The following RBBP8 variants were observed in gnomAD, a reference collection of about 807,000 sequenced individuals.
RBBP8 encodes RB binding protein 8, endonuclease.
Under a neutral mutation model 108.3 loss-of-function variants are expected in RBBP8, and 88 were observed. That is an observed-to-expected ratio of 0.81 (90% confidence interval 0.68 to 0.97). The LOEUF (loss-of-function observed/expected upper bound fraction) is 0.97. Ranked by LOEUF, RBBP8 falls within the 50% of genes least tolerant of loss-of-function variation. The pLI, the probability that RBBP8 is intolerant of heterozygous loss-of-function variation, is 0.00. For missense variants in RBBP8, 1,023 were observed against 1,049.0 expected (o/e 0.98, Z 0.34); for synonymous variants, 332 against 348.2 (o/e 0.95, Z 0.52).
At chr18:22,937,809 A>T (rs1259941189) in intron 2 of RBBP8, among the ~76,000 whole-genome samples, 3 of 150,026 alleles carry the variant, frequency 2.0e-5, no homozygotes, top group African/African-American at 5.0e-5. Context: ...ATTTATTTAT[A>T]TATTCATGTA....
intron 3 of RBBP8, among the ~76,000 whole-genome samples, chr18:22,949,191 G>A (rs369579467): frequency 5.3e-5 from 8 of 152,296 alleles, no homozygotes; most frequent in South Asian, 4.1e-4. Flanking sequence ...GCATCTGGGC[G>A]TAGGGTTCCC....
intron 18 of RBBP8, among the ~76,000 whole-genome samples, chr18:23,023,054 A>T (rs1035376073): frequency 2.1e-4 from 31 of 150,632 alleles, no homozygotes; most frequent in African/African-American, 6.6e-4. Context: ...GTGCCGCCAT[A>T]CCCAGCACTT....
intron 6 of RBBP8, among the ~76,000 whole-genome samples, chr18:22,981,780 A>C (rs544733070): frequency 1.2e-4 from 18 of 152,222 alleles, no homozygotes; most frequent in Non-Finnish European, 2.5e-4. Context: ...CCAATCTTGC[A>C]CAATACTGTT....
At chr18:22,959,524 G>A (rs1466747198) in intron 4 of RBBP8, among the ~76,000 whole-genome samples, 2 of 151,744 alleles carry the variant, frequency 1.3e-5, no homozygotes, top group African/African-American at 4.8e-5. Context: ...ATTTTTTAAT[G>A]GTCTCTCTTT....
At chr18:23,008,769 ATTTTTTTTT>A (rs71161355) in intron 16 of RBBP8, among the ~76,000 whole-genome samples, 2 of 100,026 alleles carry the variant, frequency 2.0e-5, no homozygotes, top group African/African-American at 8.1e-5. Flanking sequence ...TATGACTTTG[ATTTTTTTTT>A]TTTTTTTTTT....
At chr18:22,982,566 G>A (rs914678407) in intron 7 of RBBP8, among the ~76,000 whole-genome samples, 173 bp downstream of exon 7, 3 of 152,004 alleles carry the variant, frequency 2.0e-5, no homozygotes, top group South Asian at 4.2e-4. Flanking sequence ...TTTTCTGCCC[G>A]TGTTATGTAT....
chr18:22,994,720 A>T (rs1017475623), intron 12 of RBBP8, among the ~76,000 whole-genome samples: 3 of 148,096 alleles, frequency 2.0e-5, no homozygotes, highest in Admixed American at 6.7e-5. Context: ...GCTATATTTT[A>T]TTATTATTAT....
At chr18:23,021,482 G>A (rs925126223) in intron 17 of RBBP8, among the ~76,000 whole-genome samples, 7 of 152,142 alleles carry the variant, frequency 4.6e-5, no homozygotes, top group Non-Finnish European at 1.0e-4. Flanking sequence ...TTTTCACTAA[G>A]TCTAGGCCTT....
intron 3 of RBBP8, among the ~76,000 whole-genome samples, chr18:22,924,080 T>C (rs1909696967): frequency 2.0e-5 from 3 of 152,032 alleles, no homozygotes; most frequent in Non-Finnish European, 4.4e-5. Context: ...AAAGTACTTT[T>C]AGTTACCTCC....
At position 23,006,923 on chromosome 18, in the gene RBBP8, A is replaced by G. The variant is rs376455425; in HGVS notation, c.2357+491A>G. On this transcript the variant is annotated intron_variant, in intron 16 of 18. Coordinates refer to ENST00000327155, the MANE Select transcript of RBBP8 (RefSeq NM_002894.3). The stretch of plus-strand genomic sequence containing the variant: ...AGCATAAAAACGACAAATTTTACAA[A>G]TAAGGAAATTTTTGGCACCATCACC... 3.0e-4 allele frequency among the ~76,000 whole-genome samples: 45 copies of G among 152,266 alleles called. 1 individual carries two copies. The East Asian group carries it at 8.3e-3, about 28-fold the overall frequency.
At position 22,982,235 on chromosome 18, in the gene RBBP8, A is replaced by G. The variant is rs368670826; in HGVS notation, c.446A>G (p.Gln149Arg). ...QQKIENDQQH[Q>R]AAELECEEDV... ...TTCTCTAGGAATGATCAACAGCATCAAGCAGCTGAGCTTGAATGTGAGGAA... is the reference window on the plus strand; with the variant it reads ...TTCTCTAGGAATGATCAACAGCATCGAGCAGCTGAGCTTGAATGTGAGGAA... Residue 149 changes from glutamine to arginine, a missense_variant, in exon 7 of 19, where the codon CAA (glutamine) becomes CGA (arginine). Gln to Arg is a conservative substitution (Grantham distance 43). Transcript: ENST00000327155. 37 of 1,613,792 alleles carry G rather than the reference A, an allele frequency of 2.3e-5. No homozygotes were observed. Among genetic ancestry groups the G allele is most frequent in the Non-Finnish European group, 3.0e-5 (35 of 1,179,822 alleles).
chr18:22,949,765 A>T (rs1161285612), intron 4 of RBBP8, 52 bp downstream of exon 4: 1 of 1,304,600 alleles, frequency 7.7e-7, no homozygotes, highest in Non-Finnish European at 1.1e-6. Context: ...CCATAATAAG[A>T]AGTACATTGA....
chr18:22,923,655 T>A (rs936696265), intron 3 of RBBP8, among the ~76,000 whole-genome samples: 1 of 152,208 alleles, frequency 6.6e-6, no homozygotes, highest in Non-Finnish European at 1.5e-5. Flanking sequence ...AGCTCACGAC[T>A]CTTTCCATAG....
chr18:22,994,158 C>G (rs2045807058), intron 12 of RBBP8, among the ~76,000 whole-genome samples: 1 of 147,476 alleles, frequency 6.8e-6, no homozygotes, highest in Admixed American at 6.8e-5. Context: ...GTAGCTGGGA[C>G]TATAGGCGCC....
chr18:22,926,943 C>A (rs1909811040), intron 3 of RBBP8, among the ~76,000 whole-genome samples: 1 of 152,104 alleles, frequency 6.6e-6, no homozygotes, highest in African/African-American at 2.4e-5. Context: ...ATCTTGGCAC[C>A]ATCAACTCAA....
At chr18:22,991,574 G>A (rs1045033691) in intron 10 of RBBP8, among the ~76,000 whole-genome samples, 17 of 152,092 alleles carry the variant, frequency 1.1e-4, no homozygotes, top group African/African-American at 4.1e-4. Flanking sequence ...CATATAACCT[G>A]TGCATATCCT....
In RBBP8 at chr18:23,022,640, AT is replaced by A. The variant is rs1214199927; in HGVS notation, c.2596+371del. ...AATAAAATAAAATAAAATAAAATAA[AT>A]AAAATACAATATAAAATAAAATAAA... On this transcript the variant is annotated intron_variant, in intron 18 of 18. Coordinates refer to ENST00000327155, the MANE Select transcript of RBBP8 (RefSeq NM_002894.3). Among the ~76,000 whole-genome samples the A allele has an allele frequency of 3.4e-3, 251 of 74,060 alleles. 5 individuals carry two copies. The highest frequency in any genetic ancestry group is 5.1e-3 in the Admixed American group (39 of 7,604). 48.6% of individuals were successfully genotyped at this position (74,060 alleles called of 152,430 possible).
intron 1 of RBBP8, among the ~76,000 whole-genome samples, chr18:22,936,365 GAGCTAGGATTACA>G (rs1201524342): frequency 1.3e-5 from 2 of 152,094 alleles, no homozygotes; most frequent in African/African-American, 4.8e-5. Flanking sequence ...GCCTCCCAAA[GAGCTAGGATTACA>G]GGCAAGAGCC....
chr18:23,019,615 CTTATAG>C (rs1249945719), intron 17 of RBBP8, among the ~76,000 whole-genome samples: 1 of 152,142 alleles, frequency 6.6e-6, no homozygotes, highest in East Asian at 1.9e-4. Flanking sequence ...GTCCTGAGAT[CTTATAG>C]TTATTCACTA....
Sources: allele counts gnomAD v4.1 joint callset (sites outside exome capture counted in the v4.1 genomes callset), GRCh38; gene constraint gnomAD v4.1.1; transcripts MANE v1.5; gene names NCBI Gene and HGNC (gene_info 2026-07-23, HGNC 2026-07-21).